Variants in KIF19 observed in about 807,000 individuals in gnomAD.
The protein encoded by KIF19 is kinesin-like protein KIF19.
Under a neutral mutation model 106.6 loss-of-function variants are expected in KIF19, and 98 were observed. The ratio of observed to expected loss-of-function variants is 0.92; its 90% CI spans 0.78 to 1.09. KIF19 has a LOEUF of 1.09. Ranked by LOEUF, KIF19 falls within the 50% of genes least tolerant of loss-of-function variation. The pLI, the probability that KIF19 is intolerant of heterozygous loss-of-function variation, is 0.00. For synonymous variants in KIF19, 516 were observed against 584.2 expected (o/e 0.88, Z 1.68); for missense variants, 1,373 against 1,414.3 (o/e 0.97, Z 0.47).
chr17:74,347,767 T>C lies in KIF19; in HGVS notation c.925-10T>C, dbSNP rs2144272790. ...GCAGTCCCCACTGACCACAGCCACCTCCCATCCAGGACTCTCTGGGAGGAA... is the reference window on the plus strand; with the variant it reads ...GCAGTCCCCACTGACCACAGCCACCCCCCATCCAGGACTCTCTGGGAGGAA... On this transcript the variant is annotated splice_polypyrimidine_tract_variant and intron_variant, in intron 8 of 19. Coordinates refer to ENST00000389916, the MANE Select transcript of KIF19 (RefSeq NM_153209.4). 6.3e-7 allele frequency: 1 copy of C among 1,587,692 alleles called. No homozygotes were observed. The highest frequency in any genetic ancestry group is 8.6e-7 in the Non-Finnish European group (1 of 1,167,732).
At position 74,328,536 on chromosome 17, in the gene KIF19, G is replaced by A. The variant is rs1194325000; in HGVS notation, c.120+31G>A. 1.9e-6 allele frequency: 3 copies of A among 1,554,878 alleles called. No individual in the cohort carries two copies. In the Admixed American group the frequency reaches 5.4e-5, roughly 28 times the overall value. On this transcript the variant is annotated intron_variant, in intron 2 of 19. Transcript: ENST00000389916. Reference sequence around the variant, plus strand: ...CAGGGCTCTGCAGCAGGAGCTGCAGGGCAGAGGTCTGCTCAGATGGCTCAG... The same window carrying A: ...CAGGGCTCTGCAGCAGGAGCTGCAGAGCAGAGGTCTGCTCAGATGGCTCAG...
chr17:74,330,716 A>AGG (rs2054053837), intron 2 of KIF19, among the ~76,000 whole-genome samples: 1 of 152,210 alleles, frequency 6.6e-6, no homozygotes, highest in African/African-American at 2.4e-5. Flanking sequence ...GTGGAGCAGG[A>AGG]GGGGCTCCCT....
intron 5 of KIF19, among the ~76,000 whole-genome samples, chr17:74,343,502 A>G (rs1338363770): frequency 1.3e-5 from 2 of 152,214 alleles, no homozygotes; most frequent in African/African-American, 4.8e-5. Context: ...GGGTACAGTG[A>G]AAACTGAACA....
intron 2 of KIF19, among the ~76,000 whole-genome samples, chr17:74,339,723 C>T (rs1425908028): frequency 6.6e-6 from 1 of 152,218 alleles, no homozygotes; most frequent in African/African-American, 2.4e-5. Context: ...CTATCACAAG[C>T]CAGGACCCCA....
chr17:74,339,686 G>GCA (rs2144235467), intron 2 of KIF19, among the ~76,000 whole-genome samples: 1 of 152,316 alleles, frequency 6.6e-6, no homozygotes, highest in African/African-American at 2.4e-5. Context: ...CTCATGAAGA[G>GCA]CACGGTGGTG....
chr17:74,348,002 C>T, intron 9 of KIF19, 103 bp downstream of exon 9: 1 of 1,320,722 alleles, frequency 7.6e-7, no homozygotes. Context: ...GAACCAGCCA[C>T]TGCTGCACTG....
Position 74,353,558 on chromosome 17 carries a change from C to A in KIF19, c.2285C>A (p.Ser762Ter). The A allele has an allele frequency of 6.2e-7, 1 of 1,613,758 alleles. No individual in the cohort carries two copies. The highest frequency in any genetic ancestry group is 1.1e-5 in the South Asian group (1 of 91,056). ...TCCCCTGACAGCAGTGAGAACCTGT[C>A]GGAGATCCCCTTGTCCCACAAAGGT... Reference protein sequence around the residue: ...NSSPDSSENLSEIPLSHKERK... With the variant: ...NSSPDSSENL The change falls in exon 17 of 20, where the codon TCG becomes TAG. Residue 762 changes from serine to a stop codon, truncating the protein, a stop_gained. Transcript: ENST00000389916. LOFTEE classifies it high-confidence loss of function.
intron 2 of KIF19, among the ~76,000 whole-genome samples, chr17:74,337,100 C>G (rs1323164623): frequency 6.6e-6 from 1 of 152,184 alleles, no homozygotes; most frequent in Non-Finnish European, 1.5e-5. Flanking sequence ...TCCCAAAGTG[C>G]TGGGATTACA....
rs759624430 is a variant in KIF19, at chr17:74,349,291, G to T, written c.1155G>T (p.Gln385His). The T allele has an allele frequency of 1.2e-6, 2 of 1,612,814 alleles. No individual in the cohort carries two copies. The highest frequency in any genetic ancestry group is 1.7e-6 in the Non-Finnish European group (2 of 1,179,588). ...IQRLKRKIDE[Q>H]TGRGQARGRQ... ...GACTCAAGCGCAAGATTGATGAGCA[G>T]ACTGGGCGGGGCCAGGCCCGGGGCC... Residue 385 changes from glutamine to histidine, a missense_variant, in exon 10 of 20, where the codon CAG (glutamine) becomes CAT (histidine). This residue lies in a region of KIF19 where 1,020 missense variants were observed against 1,008.2 expected (regional missense o/e 1.01). Transcript: ENST00000389916.
rs377733585 is a variant in KIF19, at chr17:74,354,443, G to A, written c.2590G>A (p.Gly864Ser). Residue 864 changes from glycine (G) to serine (S), a missense_variant, in exon 18 of 20, where the codon GGC becomes AGC. This residue lies in a region of KIF19 where 1,020 missense variants were observed against 1,008.2 expected (regional missense o/e 1.01). Coordinates refer to ENST00000389916, the MANE Select transcript of KIF19 (RefSeq NM_153209.4). Reference sequence around the variant, plus strand: ...CCGGGCAGTCGGACATCATGGGGACGGCCCCAGGCCCTGGCTGCGTGGCCA... The same window carrying A: ...CCGGGCAGTCGGACATCATGGGGACAGCCCCAGGCCCTGGCTGCGTGGCCA... ...PSRAVGHHGDGPRPWLRGQKK... is the reference protein window; with the variant it reads ...PSRAVGHHGDSPRPWLRGQKK... The A allele has an allele frequency of 2.7e-5, 44 of 1,610,504 alleles. No individual in the cohort carries two copies. The Admixed American group carries it at 4.0e-4, about 15-fold the overall frequency.
intron 2 of KIF19, among the ~76,000 whole-genome samples, chr17:74,340,555 G>GCAGACACACA: frequency 1.3e-5 from 2 of 148,306 alleles, no homozygotes; most frequent in African/African-American, 2.5e-5. Flanking sequence ...ATGCGCGCGC[G>GCAGACACACA]TACACACACA....
At position 74,354,442 on chromosome 17, in the gene KIF19, C is replaced by A. The variant is rs141979633; in HGVS notation, c.2589C>A (p.Asp863Glu). Residue 863 changes from aspartate (D) to glutamate (E), a missense_variant, in exon 18 of 20, where the codon GAC becomes GAA. Transcript: ENST00000389916. ...APSRAVGHHG[D>E]GPRPWLRGQK... Reference sequence around the variant, plus strand: ...CCCGGGCAGTCGGACATCATGGGGACGGCCCCAGGCCCTGGCTGCGTGGCC... The same window carrying A: ...CCCGGGCAGTCGGACATCATGGGGAAGGCCCCAGGCCCTGGCTGCGTGGCC... 4.5e-5 allele frequency: 72 copies of A among 1,610,556 alleles called. No individual in the cohort carries two copies. The East Asian group carries it at 1.5e-3, about 34-fold the overall frequency.
chr17:74,336,138 C>T (rs1349358686), intron 2 of KIF19, among the ~76,000 whole-genome samples: 2 of 152,110 alleles, frequency 1.3e-5, no homozygotes, highest in Non-Finnish European at 2.9e-5. Flanking sequence ...GCATAATCTC[C>T]GCTCACTGCA....
chr17:74,344,773 C>T lies in KIF19; in HGVS notation c.595C>T (p.Leu199=). The change falls in exon 7 of 20, where the codon CTG becomes TTG. Residue 199 remains leucine, a synonymous_variant. Transcript: ENST00000389916. Reference sequence around the variant, plus strand: ...CCCTCCCACCCAGATCATGCAGCTGCTGATGAAGGGGAACCGGCAGAGGAC... The same window carrying T: ...CCCTCCCACCCAGATCATGCAGCTGTTGATGAAGGGGAACCGGCAGAGGAC... The part of the protein sequence containing the change: ...TINAKEIMQL[L]MKGNRQRTQE... The T allele has an allele frequency of 6.2e-7, 1 of 1,606,726 alleles. No homozygotes were observed.
At chr17:74,326,749 G>A (rs575221959) in intron 1 of KIF19, among the ~76,000 whole-genome samples, 7 of 152,248 alleles carry the variant, frequency 4.6e-5, no homozygotes, top group Admixed American at 2.0e-4. Context: ...GGAGGGTGGC[G>A]GTTTCCCAGT....
intron 2 of KIF19, among the ~76,000 whole-genome samples, chr17:74,339,464 A>G (rs1433520621): frequency 2.7e-5 from 4 of 150,846 alleles, no homozygotes; most frequent in African/African-American, 9.8e-5. Context: ...CTTCCCTCCC[A>G]CTGAAAGAGG....
intron 2 of KIF19, among the ~76,000 whole-genome samples, chr17:74,335,794 G>A (rs574697277): frequency 1.3e-5 from 2 of 149,130 alleles, no homozygotes; most frequent in Non-Finnish European, 2.9e-5. Context: ...TGCATTCCCC[G>A]GGGGGGCTGT....
intron 6 of KIF19, 108 bp from the exon 7 acceptor site, chr17:74,344,653 C>T: frequency 8.2e-7 from 1 of 1,216,756 alleles, no homozygotes; most frequent in Non-Finnish European, 1.1e-6. Flanking sequence ...CCTGCCCTTT[C>T]CCAACTGCTC....
rs182784609 is a variant in KIF19, at chr17:74,328,568, T to A, written c.120+63T>A. 17 of 1,416,408 alleles carry A rather than the reference T, an allele frequency of 1.2e-5. No homozygotes were observed. The East Asian group carries it at 3.9e-4, about 32-fold the overall frequency. The allele number at this position is 1,416,408 out of a possible 1,614,324, so 87.7% of individuals were successfully genotyped here. ...GTCTGCTCAGATGGCTCAGCTCACCTGGTGAGGGCAGAAAGGGCCCCTGTG... is the reference window on the plus strand; with the variant it reads ...GTCTGCTCAGATGGCTCAGCTCACCAGGTGAGGGCAGAAAGGGCCCCTGTG... On this transcript the variant is annotated intron_variant, in intron 2 of 19. Coordinates refer to ENST00000389916, the MANE Select transcript of KIF19 (RefSeq NM_153209.4).
Sources: allele counts gnomAD v4.1 joint callset (sites outside exome capture counted in the v4.1 genomes callset), GRCh38; gene constraint gnomAD v4.1.1; regional missense constraint gnomAD v4.1.1; transcripts MANE v1.5; gene names NCBI Gene and HGNC (gene_info 2026-07-23, HGNC 2026-07-21).